HPSE2: variants seen among roughly 807,000 people sequenced by gnomAD.
HPSE2 encodes inactive heparanase-2.
In HPSE2, 38 loss-of-function variants were observed where a neutral mutation model predicts 60.5. The observed-to-expected ratio is 0.63, with a 90% confidence interval of 0.48 to 0.82. HPSE2 has a LOEUF of 0.82. Ranked by LOEUF, HPSE2 falls within the 40% of genes least tolerant of loss-of-function variation. HPSE2 has a pLI of 0.00. For synonymous variants in HPSE2, 295 were observed against 293.2 expected, an observed-to-expected ratio of 1.01 and a Z score of -0.06; for missense variants, 713 against 740.4, an observed-to-expected ratio of 0.96 and a Z score of 0.43.
At chr10:99,277,512 T>C in the HPSE2 span, among the ~76,000 whole-genome samples, 1 of 152,284 alleles carries the variant, frequency 6.6e-6, no homozygotes, top group Admixed American at 6.5e-5. Flanking sequence ...AAGACAGAAA[T>C]AGTGGAAGAG....
intron 6 of HPSE2, among the ~76,000 whole-genome samples, chr10:98,666,143 A>C (rs1451335246): frequency 6.6e-6 from 1 of 152,226 alleles, no homozygotes; most frequent in Non-Finnish European, 1.5e-5. Flanking sequence ...TTCTTGTATC[A>C]GATAAAACAG....
intron 2 of HPSE2, among the ~76,000 whole-genome samples, chr10:99,184,819 T>TAC (rs1554912295): frequency 5.0e-5 from 1 of 19,858 alleles, no homozygotes; most frequent in African/African-American, 1.7e-4. Context: ...TATATATATA[T>TAC]AGAGAGAGAG....
At chr10:98,816,840 C>T (rs1298640445) in intron 3 of HPSE2, among the ~76,000 whole-genome samples, 1 of 152,122 alleles carries the variant, frequency 6.6e-6, no homozygotes, top group Non-Finnish European at 1.5e-5. Flanking sequence ...CAAGTAAATG[C>T]TATTTCCTTT....
chr10:99,047,539 G>A (rs1006384387), intron 3 of HPSE2: 5 of 502,806 alleles, frequency 9.9e-6, no homozygotes, highest in East Asian at 6.6e-5. Context: ...CAACCTACAC[G>A]ATAGGAGAAA....
chr10:98,611,794 C>T (rs1177453016), intron 9 of HPSE2, among the ~76,000 whole-genome samples: 1 of 152,196 alleles, frequency 6.6e-6, no homozygotes. Flanking sequence ...AAGCCTGCTA[C>T]CTTTTTAAGT....
the HPSE2 span, among the ~76,000 whole-genome samples, chr10:99,308,392 A>AAAAAAAAAAAAAAAAAAAAAAAAAAAAC: frequency 6.7e-6 from 1 of 148,668 alleles, no homozygotes; most frequent in African/African-American, 2.5e-5. Flanking sequence ...AAAAAAAAAA[A>AAAAAAAAAAAAAAAAAAAAAAAAAAAAC]AAAAGGAAAC....
intron 2 of HPSE2, among the ~76,000 whole-genome samples, chr10:99,181,393 G>C (rs1254924191): frequency 2.6e-5 from 1 of 38,062 alleles, no homozygotes; most frequent in African/African-American, 9.8e-5. Context: ...GCGAGACTCC[G>C]TCTCAAAAAA....
At position 98,482,757 on chromosome 10, in the gene HPSE2, T is replaced by C. The variant is rs769274794; in HGVS notation, c.1492A>G (p.Thr498Ala). 4.3e-6 allele frequency: 7 copies of C among 1,614,036 alleles called. No individual in the cohort carries two copies. The highest frequency in any genetic ancestry group is 1.3e-5 in the African/African-American group (1 of 74,912). The change falls in exon 11 of 12, where the codon ACA becomes GCA. Residue 498 changes from threonine to alanine, a missense_variant. Transcript: ENST00000370552. ...HNHNYVRGSITLFIINLHRSR... is the reference protein window; with the variant it reads ...HNHNYVRGSIALFIINLHRSR... ...CGATGCAAGTTGATGATAAAAAGTG[T>C]AATGGACCCACGAACGTAGTTGTGG...
intron 3 of HPSE2, among the ~76,000 whole-genome samples, chr10:98,955,386 T>C (rs1955480016): frequency 1.3e-5 from 2 of 152,068 alleles, no homozygotes; most frequent in African/African-American, 4.8e-5. Context: ...ATTAGAGAAA[T>C]GCAAATCAAA....
At position 99,088,517 on chromosome 10, in the gene HPSE2, C is replaced by T. The variant is rs186752138; in HGVS notation, c.610+55721G>A. Among the ~76,000 whole-genome samples the T allele has an allele frequency of 1.4e-4, 22 of 152,268 alleles. No individual in the cohort carries two copies. In the East Asian group the frequency reaches 4.2e-3, roughly 29 times the overall value. The stretch of plus-strand genomic sequence containing the variant: ...ATGGTCTCCAATTCCATCCAGGTTG[C>T]TGTAATTGCCATTATTTCATTCCTT... On this transcript the variant is annotated intron_variant, in intron 3 of 11. Transcript: ENST00000370552.
At chr10:98,559,149 T>C (rs563910198) in intron 9 of HPSE2, among the ~76,000 whole-genome samples, 1 of 152,272 alleles carries the variant, frequency 6.6e-6, no homozygotes, top group Non-Finnish European at 1.5e-5. Context: ...TGCCTCAGCC[T>C]CCTGAGCAGC....
chr10:98,546,418 A>G (rs1589400620), intron 9 of HPSE2, among the ~76,000 whole-genome samples: 1 of 148,288 alleles, frequency 6.7e-6, no homozygotes, highest in South Asian at 2.2e-4. Context: ...ACAAGGCTAC[A>G]GTAACCAAAA....
chr10:99,193,606 A>G (rs1848295016), intron 2 of HPSE2, among the ~76,000 whole-genome samples: 1 of 152,166 alleles, frequency 6.6e-6, no homozygotes, highest in African/African-American at 2.4e-5. Context: ...TTCAGTGCCA[A>G]TGGAAACCAA....
At chr10:98,715,320 T>C (rs934413115) in intron 5 of HPSE2, among the ~76,000 whole-genome samples, 1 of 152,024 alleles carries the variant, frequency 6.6e-6, no homozygotes, top group Admixed American at 6.6e-5. Context: ...CTTTTTGTAC[T>C]GATTCATAGC....
chr10:98,806,150 C>T (rs1951036397), intron 3 of HPSE2, among the ~76,000 whole-genome samples: 1 of 152,180 alleles, frequency 6.6e-6, no homozygotes, highest in African/African-American at 2.4e-5. Flanking sequence ...CTGGCGCATA[C>T]ATCAGGACAA....
chr10:98,920,526 T>C (rs1460068180), intron 3 of HPSE2, among the ~76,000 whole-genome samples: 2 of 152,160 alleles, frequency 1.3e-5, no homozygotes, highest in Non-Finnish European at 2.9e-5. Flanking sequence ...TCAGAGCATC[T>C]TGCATGTAAA....
chr10:99,124,395 C>A (rs112271318), intron 3 of HPSE2, among the ~76,000 whole-genome samples: 1 of 152,208 alleles, frequency 6.6e-6, no homozygotes, highest in East Asian at 1.9e-4. Context: ...TGGGGCTTCA[C>A]CAGATACCCA....
chr10:98,999,637 A>G (rs1401798721), intron 3 of HPSE2, among the ~76,000 whole-genome samples: 1 of 152,134 alleles, frequency 6.6e-6, no homozygotes, highest in Non-Finnish European at 1.5e-5. Context: ...GTGGAGAGGA[A>G]CGGGAAAAGC....
intron 3 of HPSE2, among the ~76,000 whole-genome samples, chr10:98,902,179 A>ATCT (rs1953685447): frequency 6.6e-6 from 1 of 152,322 alleles, no homozygotes; most frequent in Admixed American, 6.5e-5. Context: ...AAGGATTAGA[A>ATCT]GAGATTTAGA....
Sources: allele counts gnomAD v4.1 joint callset (sites outside exome capture counted in the v4.1 genomes callset), GRCh38; gene constraint gnomAD v4.1.1; transcripts MANE v1.5; gene names NCBI Gene and HGNC (gene_info 2026-07-23, HGNC 2026-07-21).